The following EPM2A variants were observed in gnomAD, a reference collection of about 807,000 sequenced individuals.
EPM2A encodes EPM2A glucan phosphatase, laforin.
EPM2A carries 21 observed loss-of-function variants against 26.5 expected under a neutral mutation model. The observed-to-expected ratio is 0.79, with a 90% CI of 0.56 to 1.14. The LOEUF (loss-of-function observed/expected upper bound fraction) is 1.14. Among genes scored for constraint, EPM2A ranks in the 50% most tolerant of loss-of-function variants. The pLI, the probability that EPM2A is intolerant of heterozygous loss-of-function variation, is 0.00. For synonymous variants in EPM2A, 217 were observed against 177.6 expected (o/e 1.22, Z -1.76); for missense variants, 458 against 440.8 (o/e 1.04, Z -0.35).
chr6:145,458,686 C>A (rs1779292706), intron 4 of EPM2A, among the ~76,000 whole-genome samples: 1 of 152,040 alleles, frequency 6.6e-6, no homozygotes, highest in South Asian at 2.1e-4. Flanking sequence ...ATTGACCTGT[C>A]CAACCTAGTC....
intron 2 of EPM2A, among the ~76,000 whole-genome samples, chr6:145,657,413 T>A (rs1317173371): frequency 6.6e-6 from 1 of 152,196 alleles, no homozygotes; most frequent in Non-Finnish European, 1.5e-5. Flanking sequence ...ATTTGAAAAA[T>A]TTAATCCTTC....
intron 1 of EPM2A, among the ~76,000 whole-genome samples, chr6:145,693,993 T>C (rs1173901422): frequency 1.3e-5 from 2 of 152,120 alleles, no homozygotes; most frequent in African/African-American, 4.8e-5. Context: ...TTATTTTACA[T>C]AGTTCTATAA....
chr6:145,696,772 G>GGT (rs1247280513), intron 1 of EPM2A, among the ~76,000 whole-genome samples: 48 of 110,798 alleles, frequency 4.3e-4, no homozygotes, highest in South Asian at 1.3e-3. Flanking sequence ...CACAGGTAGG[G>GGT]GTATGTGTGT....
At chr6:145,614,119 G>A (rs1271529090) in intron 2 of EPM2A, among the ~76,000 whole-genome samples, 1 of 152,238 alleles carries the variant, frequency 6.6e-6, no homozygotes, top group Non-Finnish European at 1.5e-5. Flanking sequence ...TGCCGCAGCT[G>A]CTATATCAGC....
At chr6:145,573,267 G>C (rs1277847931) in intron 2 of EPM2A, among the ~76,000 whole-genome samples, 1 of 152,222 alleles carries the variant, frequency 6.6e-6, no homozygotes, top group Non-Finnish European at 1.5e-5. Context: ...CCCTGAGGTA[G>C]GACAGTAAAG....
At chr6:145,514,428 G>A (rs1339626045) in intron 2 of EPM2A, among the ~76,000 whole-genome samples, 1 of 152,132 alleles carries the variant, frequency 6.6e-6, no homozygotes, top group African/African-American at 2.4e-5. Context: ...AATGAATTCT[G>A]AGGGTACTAG....
chr6:145,580,647 T>C (rs1781100653), intron 2 of EPM2A, among the ~76,000 whole-genome samples: 1 of 151,988 alleles, frequency 6.6e-6, no homozygotes, highest in Non-Finnish European at 1.5e-5. Context: ...TGATAGGTGG[T>C]TTTTCAGTCC....
intron 2 of EPM2A, among the ~76,000 whole-genome samples, chr6:145,553,160 G>C (rs1365213838): frequency 1.3e-5 from 2 of 152,014 alleles, no homozygotes; most frequent in Non-Finnish European, 2.9e-5. Context: ...AATTTCCCCT[G>C]CTTGCACTCA....
chr6:145,422,394 C>T (rs1030266061), intron 4 of EPM2A, among the ~76,000 whole-genome samples: 37 of 150,150 alleles, frequency 2.5e-4, no homozygotes, highest in African/African-American at 8.8e-4. Context: ...TTGGGATACA[C>T]TATTTTTTCT....
At chr6:145,706,197 T>TCCCACA (rs1430993996) in intron 1 of EPM2A, among the ~76,000 whole-genome samples, 1 of 152,128 alleles carries the variant, frequency 6.6e-6, no homozygotes, top group Admixed American at 6.6e-5. Flanking sequence ...CCATGAAGGA[T>TCCCACA]CCCACATCTT....
At chr6:145,577,343 A>G (rs1781045591) in intron 2 of EPM2A, among the ~76,000 whole-genome samples, 1 of 150,886 alleles carries the variant, frequency 6.6e-6, no homozygotes, top group African/African-American at 2.5e-5. Flanking sequence ...GGAATGGAAA[A>G]AAAAAACTTT....
intron 4 of EPM2A, among the ~76,000 whole-genome samples, chr6:145,412,450 A>G (rs1200626279): frequency 9.9e-5 from 15 of 152,188 alleles, no homozygotes; most frequent in Non-Finnish European, 8.8e-5. Context: ...ATTAAGTGTA[A>G]GTACTCCATG....
At chr6:145,644,485 A>C (rs1777314928) in intron 2 of EPM2A, among the ~76,000 whole-genome samples, 1 of 152,138 alleles carries the variant, frequency 6.6e-6, no homozygotes, top group African/African-American at 2.4e-5. Flanking sequence ...AAAATTTAGG[A>C]AAATACACAT....
intron 2 of EPM2A, among the ~76,000 whole-genome samples, chr6:145,648,290 G>A (rs935529814): frequency 2.0e-5 from 3 of 152,152 alleles, no homozygotes; most frequent in Non-Finnish European, 2.9e-5. Flanking sequence ...TTGAACCAGA[G>A]AGATTCATAG....
rs1251560711 is a variant in EPM2A, at chr6:145,626,523, T to C, written c.*893A>G. On this transcript the variant is annotated 3_prime_UTR_variant, in exon 4 of 4. Transcript: ENST00000367519. ...CAGAATACTATTCTATGTCTCGCTATAGAAACTCCTGCAGGCATATTGACT... is the reference window on the plus strand; with the variant it reads ...CAGAATACTATTCTATGTCTCGCTACAGAAACTCCTGCAGGCATATTGACT... 3.4e-5 allele frequency: 34 copies of C among 985,758 alleles called. No individual in the cohort carries two copies. The highest frequency in any genetic ancestry group is 4.1e-5 in the Non-Finnish European group (34 of 829,940). 61.1% of individuals were successfully genotyped at this position (985,758 alleles called of 1,614,324 possible).
intron 4 of EPM2A, among the ~76,000 whole-genome samples, chr6:145,386,784 G>A (rs1016813959): frequency 3.3e-5 from 5 of 152,136 alleles, no homozygotes; most frequent in Admixed American, 6.5e-5. Context: ...CCAGGGATAT[G>A]AGCCAGACAT....
chr6:145,538,626 T>C (rs1358098741), intron 2 of EPM2A, among the ~76,000 whole-genome samples: 2 of 152,248 alleles, frequency 1.3e-5, no homozygotes, highest in South Asian at 4.1e-4. Context: ...ACTAAACAAG[T>C]AAATTGTATA....
At chr6:145,478,463 T>C (rs1159973799) in intron 4 of EPM2A, among the ~76,000 whole-genome samples, 1 of 151,832 alleles carries the variant, frequency 6.6e-6, no homozygotes, top group African/African-American at 2.4e-5. Context: ...AGACCCAGAA[T>C]AATCAAAGCT....
intron 2 of EPM2A, among the ~76,000 whole-genome samples, chr6:145,549,658 A>G (rs1447881073): frequency 6.6e-6 from 1 of 152,168 alleles, no homozygotes; most frequent in Non-Finnish European, 1.5e-5. Flanking sequence ...ATGGTAGCAG[A>G]GCTGAGCATA....
Sources: allele counts gnomAD v4.1 joint callset (sites outside exome capture counted in the v4.1 genomes callset), GRCh38; gene constraint gnomAD v4.1.1; transcripts MANE v1.5; gene names NCBI Gene and HGNC (gene_info 2026-07-23, HGNC 2026-07-21).